The following WWP2 variants were observed in gnomAD, a reference collection of about 807,000 sequenced individuals.
The protein encoded by WWP2 is NEDD4-like E3 ubiquitin-protein ligase WWP2.
Under a neutral mutation model 121.0 loss-of-function variants are expected in WWP2, and 57 were observed. The ratio of observed to expected loss-of-function variants is 0.47; its 90% CI spans 0.38 to 0.59. The LOEUF is 0.59. WWP2 is among the 20% of genes least tolerant of loss of function. The pLI is 0.00. For synonymous variants in WWP2, 449 were observed against 441.3 expected (o/e 1.02, Z -0.22); for missense variants, 962 against 1,158.9 (o/e 0.83, Z 2.47).
chr16:69,811,629 C>A (rs891292292), intron 4 of WWP2, among the ~76,000 whole-genome samples: 1 of 151,600 alleles, frequency 6.6e-6, no homozygotes, highest in East Asian at 1.9e-4. Context: ...GGGCATGCAA[C>A]GGTAGTCCCA....
intron 8 of WWP2, among the ~76,000 whole-genome samples, chr16:69,889,876 A>T (rs1284192540): frequency 1.3e-5 from 2 of 152,172 alleles, no homozygotes; most frequent in Non-Finnish European, 2.9e-5. Context: ...AAGGCCTCTT[A>T]CTTGACTACA....
chr16:69,840,310 C>T (rs2151871277), intron 5 of WWP2, 47 bp downstream of exon 5: 1 of 1,571,702 alleles, frequency 6.4e-7, no homozygotes. Context: ...CAGGGTGGGG[C>T]TGGGCGGGGG....
chr16:69,877,139 A>G (rs2057748258), intron 7 of WWP2, among the ~76,000 whole-genome samples: 1 of 152,222 alleles, frequency 6.6e-6, no homozygotes, highest in Admixed American at 6.5e-5. Context: ...TTCTTGCAAT[A>G]GAAGGCTCTT....
chr16:69,903,780 AAGAAAG>A (rs2058244347), intron 8 of WWP2, among the ~76,000 whole-genome samples: 1 of 151,410 alleles, frequency 6.6e-6, no homozygotes, highest in Admixed American at 6.6e-5. Context: ...AAAAAAAAAA[AAGAAAG>A]AAAGAAAAAT....
chr16:69,819,426 G>T (rs1420730033), intron 4 of WWP2, among the ~76,000 whole-genome samples: 1 of 152,184 alleles, frequency 6.6e-6, no homozygotes, highest in African/African-American at 2.4e-5. Context: ...TCGGGCCACA[G>T]GTCTCCCTGC....
At position 69,840,252 on chromosome 16, in the gene WWP2, C is replaced by A. The variant is rs1412186817; in HGVS notation, c.467C>A (p.Ala156Asp). ...VDLGNVPNGSALTDGSQLPSR... is the reference protein window; with the variant it reads ...VDLGNVPNGSDLTDGSQLPSR... ...CTGGGAAATGTGCCTAATGGCAGTG[C>A]CCTGACAGATGGTGAGTGCCGCCCT... Residue 156 changes from alanine to aspartate, a missense_variant, in exon 5 of 24, where the codon GCC (alanine) becomes GAC (aspartate). Coordinates refer to ENST00000359154, the MANE Select transcript of WWP2 (RefSeq NM_001270454.2). 2 of 1,614,128 alleles carry A rather than the reference C, an allele frequency of 1.2e-6. No individual in the cohort carries two copies. The highest frequency in any genetic ancestry group is 1.7e-4 in the Middle Eastern group (1 of 6,016).
chr16:69,835,758 C>G (rs1597025807), intron 4 of WWP2, among the ~76,000 whole-genome samples: 1 of 152,006 alleles, frequency 6.6e-6, no homozygotes, highest in Non-Finnish European at 1.5e-5. Flanking sequence ...CTCATCTACT[C>G]TTGCGTCTCC....
chr16:69,846,048 T>TGAAAAAAAAA (rs1567700143), intron 6 of WWP2, among the ~76,000 whole-genome samples: 39 of 1,724 alleles, frequency 0.023, 1 homozygote, highest in African/African-American at 0.08. Flanking sequence ...AGACTCCATC[T>TGAAAAAAAAA]CAAAAAAAAA....
At chr16:69,795,728 G>A (rs1188233047) in intron 2 of WWP2, among the ~76,000 whole-genome samples, 1 of 119,788 alleles carries the variant, frequency 8.3e-6, no homozygotes, top group Non-Finnish European at 1.6e-5. Context: ...GCTCACTGTA[G>A]CCTCCGCCTC....
intron 9 of WWP2, among the ~76,000 whole-genome samples, chr16:69,916,386 A>C (rs1287929789): frequency 6.6e-6 from 1 of 152,140 alleles, no homozygotes; most frequent in African/African-American, 2.4e-5. Flanking sequence ...ATTTTTGTAG[A>C]GATGGGGGTC....
intron 7 of WWP2, among the ~76,000 whole-genome samples, chr16:69,886,372 C>T (rs911373807): frequency 6.6e-6 from 1 of 152,046 alleles, no homozygotes; most frequent in African/African-American, 2.4e-5. Context: ...ATCTAGGTAT[C>T]CGGCCTAGAT....
At chr16:69,801,474 A>G (rs189476749) in intron 4 of WWP2, among the ~76,000 whole-genome samples, 40 of 152,136 alleles carry the variant, frequency 2.6e-4, no homozygotes, top group African/African-American at 9.6e-4. Flanking sequence ...AGCTCAAGTG[A>G]TCCGCCTGCC....
chr16:69,913,061 G>A (rs562729710), intron 9 of WWP2, among the ~76,000 whole-genome samples: 3 of 115,374 alleles, frequency 2.6e-5, no homozygotes, highest in East Asian at 2.4e-4. Flanking sequence ...TTTTGCTCTC[G>A]TTGCCCAGGC....
chr16:69,929,681 A>AGTCTCACCG, intron 12 of WWP2, 152 bp downstream of exon 12: 1 of 692,108 alleles, frequency 1.4e-6, no homozygotes, highest in African/African-American at 1.8e-5. Context: ...CACCGTACAG[A>AGTCTCACCG]TACACTGTTG....
chr16:69,852,671 TTGTTCA>T (rs59277595), intron 6 of WWP2, among the ~76,000 whole-genome samples: 57,451 of 151,632 alleles, frequency 0.38, 11,018 homozygotes, highest in East Asian at 0.49. Flanking sequence ...AAAAATCTGG[TTGTTCA>T]TGTTCTTATT....
intron 4 of WWP2, among the ~76,000 whole-genome samples, chr16:69,833,284 A>G (rs2056823355): frequency 6.6e-6 from 1 of 152,216 alleles, no homozygotes; most frequent in South Asian, 2.1e-4. Flanking sequence ...AAGAAACTGG[A>G]CAGCGTGTCC....
At chr16:69,823,473 G>T (rs2056628943) in intron 4 of WWP2, among the ~76,000 whole-genome samples, 1 of 150,356 alleles carries the variant, frequency 6.7e-6, no homozygotes, top group African/African-American at 2.4e-5. Flanking sequence ...TCTTTTTCTT[G>T]TGTTTTTTTT....
At chr16:69,797,586 TTCAG>T (rs1567671172) in intron 2 of WWP2, among the ~76,000 whole-genome samples, 1 of 152,124 alleles carries the variant, frequency 6.6e-6, no homozygotes, top group Non-Finnish European at 1.5e-5. Context: ...CTTTATTTAT[TTCAG>T]TTAAAATTTA....
rs2056116719 is a variant in WWP2 at position 69,799,479 on chromosome 16, C to T, written c.340+184C>T. The T allele has an allele frequency of 2.7e-6, 2 of 743,766 alleles. No individual in the cohort carries two copies. Among genetic ancestry groups the T allele is most frequent in the Non-Finnish European group, 4.1e-6 (2 of 487,748 alleles). The allele number at this position is 743,766 out of a possible 1,614,324, so 46.1% of individuals were successfully genotyped here. On this transcript the variant is annotated intron_variant, in intron 4 of 23. Coordinates refer to ENST00000359154, the MANE Select transcript of WWP2 (RefSeq NM_001270454.2). This position sits in a 1 kb window ranked among gnomAD's most constrained non-coding sequence, Gnocchi z 4.5. ...TCTCTGCCTCCACTACAGAGTTTAG[C>T]CCTCTTTGTCCAGGGCCTCTAGTAA...
Sources: allele counts gnomAD v4.1 joint callset (sites outside exome capture counted in the v4.1 genomes callset), GRCh38; gene constraint gnomAD v4.1.1; non-coding constraint Gnocchi (gnomAD v3.1); transcripts MANE v1.5; gene names NCBI Gene and HGNC (gene_info 2026-07-23, HGNC 2026-07-21).